The following HEATR6 variants were observed in gnomAD, a reference collection of about 807,000 sequenced individuals.
HEATR6 encodes the protein HEAT repeat-containing protein 6.
HEATR6 carries 106 observed loss-of-function variants against 132.8 expected under a neutral mutation model. The observed-to-expected ratio is 0.80, with a 90% CI of 0.68 to 0.94. The LOEUF (loss-of-function observed/expected upper bound fraction) is 0.94. Ranked by LOEUF, HEATR6 falls within the 40% of genes least tolerant of loss-of-function variation. The pLI, the probability that HEATR6 is intolerant of heterozygous loss-of-function variation, is 0.00. For synonymous variants in HEATR6, 529 were observed against 537.8 expected (o/e 0.98, Z 0.23); for missense variants, 1,339 against 1,425.1 (o/e 0.94, Z 0.97).
intron 8 of HEATR6, among the ~76,000 whole-genome samples, 154 bp downstream of exon 8, chr17:60,067,269 CAAAAAAAAAAA>C (rs11339664): frequency 1.6e-5 from 1 of 61,128 alleles, no homozygotes; most frequent in African/African-American, 4.7e-5. Context: ...GACTCCGTCT[CAAAAAAAAAAA>C]AAAAAAAAAA....
chr17:60,060,096 T>C lies in HEATR6; in HGVS notation c.1417A>G (p.Thr473Ala). 4 of 1,612,834 alleles carry C rather than the reference T, an allele frequency of 2.5e-6. No individual in the cohort carries two copies. Among genetic ancestry groups the C allele is most frequent in the African/African-American group, 1.3e-5 (1 of 75,030 alleles). ...AAAACTTGCAGAGCACAGGCACGTGTCTGAAATTTCGGGATGATTCACATT... is the reference window on the plus strand; with the variant it reads ...AAAACTTGCAGAGCACAGGCACGTGCCTGAAATTTCGGGATGATTCACATT... ...TLTLKDPSPKTRACALQVLSA... is the reference protein window; with the variant it reads ...TLTLKDPSPKARACALQVLSA... Residue 473 changes from threonine (T) to alanine (A), a missense_variant and splice_region_variant, in exon 10 of 20, where the codon ACA becomes GCA. Transcript: ENST00000184956.
chr17:60,048,964 A>G (rs1444364353), intron 16 of HEATR6, among the ~76,000 whole-genome samples: 1 of 98,848 alleles, frequency 1.0e-5, no homozygotes, highest in African/African-American at 7.7e-5. Flanking sequence ...AAAATTAAAA[A>G]TAAATAACAT....
chr17:60,049,097 T>C (rs1906491427), intron 16 of HEATR6, among the ~76,000 whole-genome samples: 1 of 145,632 alleles, frequency 6.9e-6, no homozygotes, highest in African/African-American at 2.6e-5. Flanking sequence ...TACATATATA[T>C]ATGTAGAGAG....
intron 14 of HEATR6, among the ~76,000 whole-genome samples, chr17:60,053,578 T>C (rs555297174): frequency 6.6e-6 from 1 of 152,316 alleles, no homozygotes; most frequent in Non-Finnish European, 1.5e-5. Context: ...TAAATGGTTG[T>C]GACCGAAATG....
intron 14 of HEATR6, among the ~76,000 whole-genome samples, chr17:60,052,905 A>G (rs1368002765): frequency 6.6e-6 from 1 of 152,104 alleles, no homozygotes; most frequent in Non-Finnish European, 1.5e-5. Context: ...GCATCTTTAC[A>G]TGTCATTTGA....
rs199588719 is a variant in HEATR6, at chr17:60,059,834, A to T, written c.1623+56T>A. The T allele has an allele frequency of 9.6e-6, 12 of 1,251,984 alleles. No homozygotes were observed. In the East Asian group the frequency reaches 2.5e-4, roughly 27 times the overall value. 77.6% of individuals were successfully genotyped at this position (1,251,984 alleles called of 1,614,324 possible). A position where few individuals can be genotyped will look rare whatever the true frequency, so the allele number is the denominator to read the frequency against. On this transcript the variant is annotated intron_variant, in intron 10 of 19. Transcript: ENST00000184956. ...AAGTTACTTTTGAGCTATGTAAAAC[A>T]GTATACAAAATTAAAACAGAGAAGC...
chr17:60,046,881 A>G (rs1906384017), intron 18 of HEATR6, among the ~76,000 whole-genome samples: 1 of 152,194 alleles, frequency 6.6e-6, no homozygotes, highest in Non-Finnish European at 1.5e-5. Context: ...TAATATACCA[A>G]ACTTACCCAG....
Position 60,057,384 on chromosome 17 carries a change from T to C in HEATR6, c.1743A>G (p.Ser581=), listed in dbSNP as rs756849611. 2 of 1,598,744 alleles carry C rather than the reference T, an allele frequency of 1.3e-6. No individual in the cohort carries two copies. The highest frequency in any genetic ancestry group is 1.7e-6 in the Non-Finnish European group (2 of 1,170,406). The stretch of plus-strand genomic sequence containing the variant: ...CTATAGCTCCCAAGAGTGTGAGACT[T>C]GACACACGAACATTAACATCTGTCA... The part of the protein sequence containing the change: ...IRHKDVNVRV[S]SLTLLGAIVS... Residue 581 remains serine (S), a synonymous_variant, in exon 12 of 20, where the codon TCA becomes TCG. Transcript: ENST00000184956.
At chr17:60,050,532 C>G (rs984235029) in intron 15 of HEATR6, among the ~76,000 whole-genome samples, 1 of 152,152 alleles carries the variant, frequency 6.6e-6, no homozygotes, top group Non-Finnish European at 1.5e-5. Context: ...AGTCGAAGAG[C>G]TGGGCTTTAA....
chr17:60,073,420 G>A, intron 3 of HEATR6, 141 bp from the exon 4 acceptor site: 1 of 612,972 alleles, frequency 1.6e-6, no homozygotes. Flanking sequence ...GTCTCCGATG[G>A]ATATGCAAAG....
In HEATR6 at chr17:60,050,955, A is replaced by C; in HGVS notation, c.2312T>G (p.Met771Arg). ...VFLVVMFWTM[M>R]LNGPLPRALQ... ...GGCTCTGGGTAAAGGACCGTTCAGC[A>C]TCATAGTCCAGAACATCACCACCTG... is the stretch of plus-strand genomic sequence containing the variant. The change falls in exon 15 of 20, where the codon ATG becomes AGG. Residue 771 changes from methionine (M) to arginine (R), a missense_variant. Coordinates refer to ENST00000184956, the MANE Select transcript of HEATR6 (RefSeq NM_022070.5). The C allele has an allele frequency of 1.2e-6, 2 of 1,614,218 alleles. No homozygotes were observed.
At position 60,057,175 on chromosome 17, in the gene HEATR6, C is replaced by G. The variant is rs1365332321; in HGVS notation, c.1952G>C (p.Cys651Ser). 1 of 1,613,966 alleles carries G rather than the reference C, an allele frequency of 6.2e-7. No homozygotes were observed. The highest frequency in any genetic ancestry group is 1.3e-5 in the African/African-American group (1 of 74,914). Residue 651 changes from cysteine to serine, a missense_variant, in exon 12 of 20, where the codon TGC (cysteine) becomes TCC (serine). By Grantham distance (112) the Cys-to-Ser change is moderately radical. Coordinates refer to ENST00000184956, the MANE Select transcript of HEATR6 (RefSeq NM_022070.5). ...GGAAATGCAGAGTCGAATGAGCCAGCAGGGCTCTGAAGACCCCTTAGGTGA... is the reference window on the plus strand; with the variant it reads ...GGAAATGCAGAGTCGAATGAGCCAGGAGGGCTCTGAAGACCCCTTAGGTGA... Reference protein sequence around the residue: ...VSSPKGSSEPCWLIRLCISIV... With the variant: ...VSSPKGSSEPSWLIRLCISIV...
intron 2 of HEATR6, chr17:60,075,840 CAAAA>C (rs772457086): frequency 1.0e-3 from 63 of 61,290 alleles, no homozygotes; most frequent in South Asian, 3.1e-3. Flanking sequence ...AACTCTGTCT[CAAAA>C]AAAAAAAAAA....
At chr17:60,060,907 G>T (rs2083207330) in intron 9 of HEATR6, among the ~76,000 whole-genome samples, 1 of 152,160 alleles carries the variant, frequency 6.6e-6, no homozygotes, top group Non-Finnish European at 1.5e-5. Context: ...ATGGACTGCT[G>T]TATTTGTTAG....
chr17:60,062,025 T>C (rs780020253), intron 9 of HEATR6, among the ~76,000 whole-genome samples: 1 of 152,250 alleles, frequency 6.6e-6, no homozygotes, highest in Non-Finnish European at 1.5e-5. Flanking sequence ...ACAAATGTCA[T>C]TGAAATTGGT....
chr17:60,048,439 C>T (rs759094613), intron 16 of HEATR6, 51 bp from the exon 17 acceptor site: 5 of 1,506,812 alleles, frequency 3.3e-6, no homozygotes, highest in East Asian at 2.4e-5. Context: ...CATGCTGCTA[C>T]CTTTGAAATT....
chr17:60,041,866 AT>A lies in HEATR6; in HGVS notation c.*1696del, dbSNP rs1284190626. ...CCATGATAAAATATCACCAACACCC[AT>A]TTTTTGTAACTTCTTAATTGTCCCA... On this transcript the variant is annotated 3_prime_UTR_variant, in exon 20 of 20. Transcript: ENST00000184956. Among the ~76,000 whole-genome samples, 2 of 152,188 alleles carry A rather than the reference AT, an allele frequency of 1.3e-5. No homozygotes were observed. Among genetic ancestry groups the A allele is most frequent in the Non-Finnish European group, 2.9e-5 (2 of 68,024 alleles).
At position 60,059,971 on chromosome 17, in the gene HEATR6, G is replaced by A; in HGVS notation, c.1542C>T (p.Cys514=). ...AFTPFSVMIA[C]SIRELHRCLL... ...GACATCTGTGCAACTCTCTAATGCT[G>A]CAAGCGATCATTACGGAGAAGGGGG... Residue 514 remains cysteine, a synonymous_variant, in exon 10 of 20, where the codon TGC becomes TGT. Transcript: ENST00000184956. 1 of 1,613,774 alleles carries A rather than the reference G, an allele frequency of 6.2e-7. No individual in the cohort carries two copies. Among genetic ancestry groups the A allele is most frequent in the Non-Finnish European group, 8.5e-7 (1 of 1,179,720 alleles).
Position 60,066,214 on chromosome 17 carries a change from G to C in HEATR6, c.1411C>G (p.Pro471Ala). The C allele has an allele frequency of 2.5e-6, 4 of 1,610,504 alleles. No homozygotes were observed. The highest frequency in any genetic ancestry group is 3.4e-6 in the Non-Finnish European group (4 of 1,178,316). ...LMTLTLKDPS[P>A]KTRACALQVL... ...TAGAGTTTAAATTCTCTTACCTTTG[G>C]AGAAGGGTCTTTCAATGTAAGAGTC... The change falls in exon 9 of 20, where the codon CCA (proline) becomes GCA (alanine). Residue 471 changes from proline (P) to alanine (A), a missense_variant. Pro to Ala is a conservative substitution (Grantham distance 27). Coordinates refer to ENST00000184956, the MANE Select transcript of HEATR6 (RefSeq NM_022070.5).
Sources: allele counts gnomAD v4.1 joint callset (sites outside exome capture counted in the v4.1 genomes callset), GRCh38; gene constraint gnomAD v4.1.1; transcripts MANE v1.5; gene names NCBI Gene and HGNC (gene_info 2026-07-23, HGNC 2026-07-21).